Variants in TENM2 observed in about 807,000 individuals in gnomAD.
TENM2 encodes the protein teneurin transmembrane protein 2.
Under a neutral mutation model 245.2 loss-of-function variants are expected in TENM2, and 52 were observed. The observed-to-expected ratio is 0.21, with a 90% CI of 0.17 to 0.27. The LOEUF (loss-of-function observed/expected upper bound fraction) is 0.27, where lower values mean the gene tolerates loss of function less well. Among genes scored for constraint, TENM2 ranks in the 10% least tolerant of loss-of-function variants. The pLI is 1.00. For synonymous variants in TENM2, 1,363 were observed against 1,438.9 expected (o/e 0.95, Z 1.19); for missense variants, 3,046 against 3,666.8 (o/e 0.83, Z 4.37).
the TENM2 span, among the ~76,000 whole-genome samples, chr5:167,219,300 AAAACAAAC>A: frequency 0.029 from 4,366 of 150,630 alleles, 190 homozygotes; most frequent in African/African-American, 0.097. Flanking sequence ...ACCCAATTTC[AAAACAAAC>A]AAACAAACAA....
intron 1 of TENM2, among the ~76,000 whole-genome samples, chr5:167,368,792 C>G (rs1216378762): frequency 6.6e-6 from 1 of 152,044 alleles, no homozygotes; most frequent in African/African-American, 2.4e-5. Context: ...TTTTAGAACC[C>G]TCCCCTACCC....
chr5:167,708,080 C>T (rs1758655201), intron 2 of TENM2, among the ~76,000 whole-genome samples: 1 of 152,116 alleles, frequency 6.6e-6, no homozygotes, highest in South Asian at 2.1e-4. Context: ...GTTGGATAGA[C>T]AAATCGATCT....
chr5:167,759,854 C>A (rs1158491678), intron 2 of TENM2, among the ~76,000 whole-genome samples: 1 of 152,112 alleles, frequency 6.6e-6, no homozygotes, highest in African/African-American at 2.4e-5. Context: ...ACAAACCCCA[C>A]CTGGAGACAG....
chr5:167,203,183 G>T, the TENM2 span, among the ~76,000 whole-genome samples: 1 of 152,018 alleles, frequency 6.6e-6, no homozygotes, highest in African/African-American at 2.4e-5. Flanking sequence ...AATCTTCAGG[G>T]GCTCTCTGTT....
chr5:167,811,137 C>A (rs190969324), intron 2 of TENM2, among the ~76,000 whole-genome samples: 66 of 152,206 alleles, frequency 4.3e-4, no homozygotes, highest in African/African-American at 1.6e-3. Context: ...GTGTAGAATT[C>A]TCAGGTAGGA....
intron 2 of TENM2, among the ~76,000 whole-genome samples, chr5:167,676,994 A>G (rs925736576): frequency 6.6e-6 from 1 of 152,086 alleles, no homozygotes; most frequent in Non-Finnish European, 1.5e-5. Flanking sequence ...AAATGTATGC[A>G]TGTTGGACAA....
At chr5:167,629,746 T>C (rs548927608) in intron 2 of TENM2, among the ~76,000 whole-genome samples, 1 of 152,338 alleles carries the variant, frequency 6.6e-6, no homozygotes, top group African/African-American at 2.4e-5. Flanking sequence ...ATTAAAGTAA[T>C]ACACCTCCCT....
At chr5:167,269,989 C>A in the TENM2 span, among the ~76,000 whole-genome samples, 1 of 152,090 alleles carries the variant, frequency 6.6e-6, no homozygotes, top group Admixed American at 6.6e-5. Context: ...TTTTTCATGT[C>A]ATTTCTCCTT....
chr5:167,305,393 ATTT>A (rs1456368132), intron 1 of TENM2, among the ~76,000 whole-genome samples: 5 of 152,202 alleles, frequency 3.3e-5, no homozygotes, highest in Non-Finnish European at 7.3e-5. Flanking sequence ...CACCTTGCAT[ATTT>A]ACTCAGTGGC....
the TENM2 span, among the ~76,000 whole-genome samples, chr5:167,073,337 A>G: frequency 6.6e-6 from 1 of 152,172 alleles, no homozygotes; most frequent in African/African-American, 2.4e-5. Flanking sequence ...TGAATTGTAC[A>G]TCGAAGATCC....
intron 2 of TENM2, among the ~76,000 whole-genome samples, chr5:167,841,223 A>G (rs933158253): frequency 6.6e-6 from 1 of 151,868 alleles, no homozygotes; most frequent in Non-Finnish European, 1.5e-5. Flanking sequence ...TGCCCAGCTA[A>G]TTTTTTGTAT....
chr5:167,285,005 C>T (rs1315419582), exon 1 of TENM2: 3 of 1,552,100 alleles, frequency 1.9e-6, no homozygotes, highest in African/African-American at 1.4e-5. Flanking sequence ...GCAGGATGCA[C>T]TATGGAAACC....
chr5:167,044,699 A>T, the TENM2 span, among the ~76,000 whole-genome samples: 1 of 152,228 alleles, frequency 6.6e-6, no homozygotes, highest in Non-Finnish European at 1.5e-5. Flanking sequence ...AGCGGGGCTC[A>T]TATTTCCGAG....
chr5:167,410,743 G>A (rs1762864930), intron 2 of TENM2, among the ~76,000 whole-genome samples: 1 of 152,048 alleles, frequency 6.6e-6, no homozygotes, highest in Non-Finnish European at 1.5e-5. Context: ...ATTTAAGGTA[G>A]AGATTGACCA....
intron 2 of TENM2, among the ~76,000 whole-genome samples, chr5:167,817,407 T>C (rs923832059): frequency 1.3e-5 from 2 of 152,178 alleles, no homozygotes; most frequent in African/African-American, 4.8e-5. Context: ...GAAAAATATA[T>C]GGAAAAAACT....
chr5:167,841,948 T>A lies in TENM2; in HGVS notation c.503-34038T>A, dbSNP rs563011376. ...ATGTATATATGTATGTATATTTATA[T>A]GTTTTTGTCTCTCTCTATATATACA... On this transcript the variant is annotated intron_variant, in intron 2 of 28. Coordinates refer to ENST00000518659, the Ensembl canonical transcript of TENM2. 2.0e-3 allele frequency among the ~76,000 whole-genome samples: 299 copies of A among 152,184 alleles called. 2 individuals are homozygous for A. Among genetic ancestry groups the A allele is most frequent in the African/African-American group, 6.9e-3 (286 of 41,502 alleles).
chr5:168,169,811 G>T (rs921615279), intron 13 of TENM2, among the ~76,000 whole-genome samples: 1 of 152,150 alleles, frequency 6.6e-6, no homozygotes, highest in African/African-American at 2.4e-5. Flanking sequence ...TTGGGTGGGG[G>T]ACAGCTTAAA....
chr5:167,050,246 C>A, the TENM2 span, among the ~76,000 whole-genome samples: 2 of 152,158 alleles, frequency 1.3e-5, no homozygotes, highest in Non-Finnish European at 2.9e-5. Context: ...CTGAGCTCCA[C>A]CTCCTGTCAG....
intron 6 of TENM2, among the ~76,000 whole-genome samples, chr5:168,058,243 C>G: frequency 6.6e-6 from 1 of 152,168 alleles, no homozygotes; most frequent in Non-Finnish European, 1.5e-5. Context: ...CCTGTCATCA[C>G]AGGGGTTTTG....
Sources: allele counts gnomAD v4.1 joint callset (sites outside exome capture counted in the v4.1 genomes callset), GRCh38; gene constraint gnomAD v4.1.1; transcripts MANE v1.5; gene names NCBI Gene and HGNC (gene_info 2026-07-23, HGNC 2026-07-21).